The following SATL1 variants were observed in gnomAD, a reference collection of about 807,000 sequenced individuals.
The protein encoded by SATL1 is spermidine/spermine N(1)-acetyltransferase-like protein 1.
A neutral mutation model predicts 51.8 loss-of-function variants in SATL1; 47 were observed. That is an observed-to-expected ratio of 0.91 (90% CI 0.72 to 1.16). The LOEUF (loss-of-function observed/expected upper bound fraction) is 1.16. SATL1 is among the 50% of genes most tolerant of loss of function. The pLI, the probability that SATL1 is intolerant of heterozygous loss-of-function variation, is 0.00. For synonymous variants in SATL1, 176 were observed against 182.4 expected, an observed-to-expected ratio of 0.97 and a Z score of 0.28; for missense variants, 520 against 526.4, an observed-to-expected ratio of 0.99 and a Z score of 0.12.
chrX:85,133,572 T>C (rs936149648), intron 2 of SATL1, among the ~76,000 whole-genome samples: 1 of 112,294 alleles, frequency 8.9e-6, no homozygotes, highest in Non-Finnish European at 1.9e-5. Flanking sequence ...TTCCCTTGGC[T>C]AGGAAAGGGA....
chrX:85,204,456 G>T (rs1165259784), intron 2 of SATL1, among the ~76,000 whole-genome samples: 1 of 111,478 alleles, frequency 9.0e-6, no homozygotes. Context: ...TAAAAATCCT[G>T]GATGTGAAAC....
intron 2 of SATL1, among the ~76,000 whole-genome samples, chrX:85,158,453 A>G (rs1050167823): frequency 3.6e-5 from 4 of 111,941 alleles, no homozygotes; most frequent in Non-Finnish European, 5.6e-5. Context: ...TAGTCATGTG[A>G]AAAGAATTCA....
At chrX:85,094,070 AAT>A (rs752661893) in intron 6 of SATL1, 56 bp downstream of exon 6, 35 of 641,348 alleles carry the variant, frequency 5.5e-5, no homozygotes, top group South Asian at 4.0e-4. Context: ...ATCTCCTTAA[AAT>A]ATGTCACTTT....
At chrX:85,174,894 A>T (rs1243824440) in intron 2 of SATL1, among the ~76,000 whole-genome samples, 1 of 111,772 alleles carries the variant, frequency 8.9e-6, no homozygotes, top group Non-Finnish European at 1.9e-5. Context: ...AAAATATAAG[A>T]CTTTAATAAC....
At chrX:85,107,026 A>G (rs189540290) in intron 3 of SATL1, among the ~76,000 whole-genome samples, 1 of 111,904 alleles carries the variant, frequency 8.9e-6, no homozygotes, top group Admixed American at 9.5e-5. Flanking sequence ...AAGAGAACAC[A>G]TTCAGTCCCT....
intron 2 of SATL1, chrX:85,211,978 T>C (rs1161816566): frequency 9.0e-6 from 1 of 111,617 alleles, no homozygotes; most frequent in East Asian, 2.8e-4. Flanking sequence ...TGGCTAACCA[T>C]TTCTTCTCTT....
At chrX:85,182,729 C>T (rs1390577316) in intron 2 of SATL1, among the ~76,000 whole-genome samples, 1 of 111,839 alleles carries the variant, frequency 8.9e-6, no homozygotes, top group Non-Finnish European at 1.9e-5. Flanking sequence ...CTTTTCTCCA[C>T]CTCCTCACCA....
intron 2 of SATL1, among the ~76,000 whole-genome samples, chrX:85,131,905 T>C (rs1036644336): frequency 1.8e-5 from 2 of 111,858 alleles, no homozygotes; most frequent in African/African-American, 3.3e-5. Context: ...TCTTCACTTA[T>C]GAAGCTTAGT....
At chrX:85,132,685 G>T (rs953452131) in intron 2 of SATL1, among the ~76,000 whole-genome samples, 7 of 111,867 alleles carry the variant, frequency 6.3e-5, no homozygotes, top group Non-Finnish European at 1.3e-4. Flanking sequence ...ATCCAGCTTT[G>T]TTCTGTTGCT....
intron 2 of SATL1, among the ~76,000 whole-genome samples, chrX:85,130,322 G>T (rs540214488): frequency 2.0e-4 from 22 of 111,270 alleles, no homozygotes; most frequent in African/African-American, 6.5e-4. Flanking sequence ...CTCAATTTCA[G>T]AGCCTGTTAT....
intron 2 of SATL1, among the ~76,000 whole-genome samples, chrX:85,208,622 G>C (rs1298094594): frequency 3.6e-5 from 4 of 112,041 alleles, no homozygotes; most frequent in Non-Finnish European, 5.6e-5. Context: ...ATCTCATTGA[G>C]GTTTTGATTT....
At chrX:85,127,887 C>A (rs970863822) in intron 2 of SATL1, among the ~76,000 whole-genome samples, 2 of 110,974 alleles carry the variant, frequency 1.8e-5, no homozygotes, top group Non-Finnish European at 3.8e-5. Flanking sequence ...TGAGTGAGAA[C>A]ATGCAGTGTT....
intron 1 of SATL1, among the ~76,000 whole-genome samples, chrX:85,231,191 T>C (rs1847037125): frequency 1.8e-5 from 2 of 112,044 alleles, no homozygotes; most frequent in South Asian, 7.4e-4. Context: ...AAAGAAAATG[T>C]GGTATATGCA....
chrX:85,201,874 T>C lies in SATL1; in HGVS notation c.-313+22331A>G, dbSNP rs1927693727. 2.7e-5 allele frequency among the ~76,000 whole-genome samples: 3 copies of C among 112,288 alleles called. No individual in the cohort carries two copies. In the South Asian group the frequency reaches 1.1e-3, roughly 41 times the overall value. The stretch of plus-strand genomic sequence containing the variant: ...TTATCCAGTCTGTCATTGATGGGCA[T>C]TTAGGTTGATTCCATGTCTTCGCTA... On this transcript the variant is annotated intron_variant, in intron 2 of 7. Transcript: ENST00000644105.
chrX:85,226,494 C>T (rs1009965150), intron 1 of SATL1, among the ~76,000 whole-genome samples: 23 of 111,279 alleles, frequency 2.1e-4, no homozygotes. Flanking sequence ...GAACACTCTA[C>T]TATATGCCAG....
At chrX:85,186,578 T>G (rs180850091) in intron 2 of SATL1, among the ~76,000 whole-genome samples, 12 of 111,605 alleles carry the variant, frequency 1.1e-4, no homozygotes, top group Admixed American at 1.9e-4. Context: ...GCTCCCTCTG[T>G]GGACACAGTG....
At chrX:85,114,765 A>T (rs145596214) in intron 2 of SATL1, among the ~76,000 whole-genome samples, 1,490 of 112,504 alleles carry the variant, frequency 0.013, 23 homozygotes, top group African/African-American at 0.045. Flanking sequence ...CCTTTGCGTT[A>T]GTGTACTATT....
In SATL1 at chrX:85,108,590, T is replaced by C. The variant is rs767418935; in HGVS notation, c.379A>G (p.Ile127Val). ...CTCATACCTGATTGGTTCGTGCCTA[T>C]TTGCCTCATGCGTGATTGGCTGGGG... is the stretch of plus-strand genomic sequence containing the variant. ...SGPSQSRMRQ[I>V]GTNQSGMSQP... The change falls in exon 3 of 8, where the codon ATA becomes GTA. Residue 127 changes from isoleucine to valine, a missense_variant. This residue lies in a region of SATL1 where 488 missense variants were observed against 474.3 expected (regional missense o/e 1.03). Transcript: ENST00000644105. 2.0e-5 allele frequency: 24 copies of C among 1,203,078 alleles called. No individual in the cohort carries two copies. The highest frequency in any genetic ancestry group is 2.5e-5 in the Non-Finnish European group (22 of 891,457).
At chrX:85,129,659 C>G (rs1312013867) in intron 2 of SATL1, among the ~76,000 whole-genome samples, 1 of 111,391 alleles carries the variant, frequency 9.0e-6, no homozygotes, top group African/African-American at 3.3e-5. Flanking sequence ...GCCTGATTGC[C>G]CTGGCCAGAA....
Sources: allele counts gnomAD v4.1 joint callset (sites outside exome capture counted in the v4.1 genomes callset), GRCh38; gene constraint gnomAD v4.1.1; regional missense constraint gnomAD v4.1.1; transcripts MANE v1.5; gene names NCBI Gene and HGNC (gene_info 2026-07-23, HGNC 2026-07-21).